UNC80: variants seen among roughly 807,000 people sequenced by gnomAD.
UNC80 encodes the protein protein unc-80 homolog.
A neutral mutation model predicts 384.6 loss-of-function variants in UNC80; 164 were observed. That is an observed-to-expected ratio of 0.43 (90% CI 0.38 to 0.49). The LOEUF is 0.49. Ranked by LOEUF, UNC80 falls within the 20% of genes least tolerant of loss-of-function variation. UNC80 has a pLI of 0.00. For synonymous variants in UNC80, 1,486 were observed against 1,527.8 expected (o/e 0.97, Z 0.64); for missense variants, 3,330 against 4,143.0 (o/e 0.80, Z 5.39).
chr2:209,897,781 T>C (rs1262539309), intron 28 of UNC80, among the ~76,000 whole-genome samples: 1 of 152,194 alleles, frequency 6.6e-6, no homozygotes, highest in Non-Finnish European at 1.5e-5. Context: ...TCTGCAAGCA[T>C]TGTGTAAGAA....
intron 21 of UNC80, chr2:209,845,376 C>G (rs563621865): frequency 2.0e-5 from 3 of 152,338 alleles, no homozygotes; most frequent in African/African-American, 7.2e-5. Context: ...CTTGTTTACA[C>G]TCTCCTTTTA....
In UNC80 at chr2:209,780,724, T is replaced by C. The variant is rs115949131; in HGVS notation, c.600+3165T>C. On this transcript the variant is annotated intron_variant, in intron 4 of 64. Coordinates refer to ENST00000673920, the MANE Select transcript of UNC80 (RefSeq NM_001371986.1). ...GTGTGTGGGAGGGAATTGGTCCTGA[T>C]TGAGAGCCACCGCCTTACATCTTTC... Among the ~76,000 whole-genome samples the C allele has an allele frequency of 6.0e-3, 910 of 152,268 alleles. 10 individuals are homozygous for C. Among genetic ancestry groups the C allele is most frequent in the African/African-American group, 0.021 (861 of 41,536 alleles).
chr2:209,932,125 C>G (rs547422564), intron 38 of UNC80, among the ~76,000 whole-genome samples: 1 of 152,270 alleles, frequency 6.6e-6, no homozygotes, highest in East Asian at 1.9e-4. Context: ...TGCTGTCACT[C>G]AAAGCCTGTC....
chr2:209,927,157 A>G (rs1187194258), intron 36 of UNC80, among the ~76,000 whole-genome samples, 171 bp downstream of exon 36: 1 of 152,008 alleles, frequency 6.6e-6, no homozygotes, highest in Non-Finnish European at 1.5e-5. Flanking sequence ...CACTCTCTCC[A>G]CCTCCTTCTC....
intron 61 of UNC80, among the ~76,000 whole-genome samples, chr2:209,991,340 C>A (rs2093387533): frequency 6.6e-6 from 1 of 152,142 alleles, no homozygotes. Flanking sequence ...ATTATAAATA[C>A]CTTTTATACA....
intron 31 of UNC80, among the ~76,000 whole-genome samples, chr2:209,917,452 G>A (rs2089644719): frequency 6.6e-6 from 1 of 152,160 alleles, no homozygotes. Context: ...AGATGACTCT[G>A]GCTATCTCCT....
chr2:209,986,640 A>T lies in UNC80; in HGVS notation c.9314+1728A>T, dbSNP rs988873964. On this transcript the variant is annotated intron_variant, in intron 61 of 64. Transcript: ENST00000673920. ...CTGCCGTTGATCCGTTGTTTCTGTG[A>T]CCATTGTGTTTTAGTTCTGGGTGTG... 3.4e-4 allele frequency among the ~76,000 whole-genome samples: 52 copies of T among 152,096 alleles called. 1 individual carries two copies. The highest frequency in any genetic ancestry group is 1.1e-3 in the African/African-American group (44 of 41,408).
Position 209,933,997 on chromosome 2 carries a change from C to T in UNC80, c.6170C>T (p.Ser2057Leu). The T allele has an allele frequency of 6.5e-7, 1 of 1,542,882 alleles. No homozygotes were observed. Among genetic ancestry groups the T allele is most frequent in the Non-Finnish European group, 8.8e-7 (1 of 1,142,710 alleles). Residue 2057 changes from serine to leucine, a missense_variant, in exon 39 of 65, where the codon TCA (serine) becomes TTA (leucine). Transcript: ENST00000673920. ...QCEVKLLVTA[S>L]MPGTKTLVVH... ...GAGGTGAAGCTCCTGGTGACCGCTT[C>T]AATGCCAGGTAAGCCACTACTACTT...
At chr2:209,800,458 T>C (rs2078469309) in intron 7 of UNC80, among the ~76,000 whole-genome samples, 1 of 150,608 alleles carries the variant, frequency 6.6e-6, no homozygotes, top group African/African-American at 2.5e-5. Context: ...TCTTCTTTAT[T>C]AGTCTAGCTA....
chr2:209,924,447 C>T (rs970563844), intron 35 of UNC80, among the ~76,000 whole-genome samples: 1 of 152,162 alleles, frequency 6.6e-6, no homozygotes, highest in Non-Finnish European at 1.5e-5. Flanking sequence ...CCAGCCTTTA[C>T]TGAGGACCAC....
chr2:209,871,149 A>G (rs983242513), intron 22 of UNC80, among the ~76,000 whole-genome samples: 3 of 152,216 alleles, frequency 2.0e-5, no homozygotes, highest in African/African-American at 4.8e-5. Flanking sequence ...TTAGAAAACA[A>G]TAGTACATGG....
chr2:209,996,894 G>T lies in UNC80; in HGVS notation c.*1299G>T, dbSNP rs1575269730. On this transcript the variant is annotated 3_prime_UTR_variant, in exon 65 of 65. Coordinates refer to ENST00000673920, the MANE Select transcript of UNC80 (RefSeq NM_001371986.1). ...AATTGGTACGGTGGTGTATGTGTGCGTGCGTGTGTGTGTGTATGTGTTGTA... is the reference window on the plus strand; with the variant it reads ...AATTGGTACGGTGGTGTATGTGTGCTTGCGTGTGTGTGTGTATGTGTTGTA... 1 of 152,034 alleles carries T rather than the reference G, an allele frequency of 6.6e-6. No individual in the cohort carries two copies. The highest frequency in any genetic ancestry group is 2.4e-5 in the African/African-American group (1 of 41,386). The allele number at this position is 152,034 out of a possible 1,614,324, so 9.4% of individuals were successfully genotyped here.
At chr2:209,814,730 C>T (rs545577745) in intron 8 of UNC80, among the ~76,000 whole-genome samples, 6 of 152,216 alleles carry the variant, frequency 3.9e-5, no homozygotes, top group South Asian at 2.1e-4. Flanking sequence ...CCCTCTTTCT[C>T]GTCAACACCA....
intron 22 of UNC80, among the ~76,000 whole-genome samples, chr2:209,864,939 C>A (rs2083611125): frequency 6.6e-6 from 1 of 152,232 alleles, no homozygotes; most frequent in East Asian, 1.9e-4. Flanking sequence ...AGAGTCTGCG[C>A]ATTCTGGGGT....
intron 24 of UNC80, among the ~76,000 whole-genome samples, chr2:209,878,809 C>A (rs908520302): frequency 6.6e-6 from 1 of 152,124 alleles, no homozygotes; most frequent in African/African-American, 2.4e-5. Flanking sequence ...GAATTCGTAT[C>A]TTTATATGAT....
chr2:209,785,614 GA>G (rs770878259), intron 4 of UNC80, among the ~76,000 whole-genome samples: 1 of 152,058 alleles, frequency 6.6e-6, no homozygotes, highest in Admixed American at 6.6e-5. Flanking sequence ...TAAAATGTAA[GA>G]AAAAAGATGG....
At chr2:209,924,629 A>G (rs1050329334) in intron 35 of UNC80, among the ~76,000 whole-genome samples, 1 of 152,072 alleles carries the variant, frequency 6.6e-6, no homozygotes, top group Non-Finnish European at 1.5e-5. Context: ...ACAGCCATCT[A>G]GATAACCAGG....
In UNC80 at chr2:209,943,470, G is replaced by A; in HGVS notation, c.7006G>A (p.Val2336Met). 1.3e-6 allele frequency: 2 copies of A among 1,551,876 alleles called. No homozygotes were observed. The highest frequency in any genetic ancestry group is 1.7e-6 in the Non-Finnish European group (2 of 1,146,984). ...QFYILHRKPF[V>M]LQLFASVAPL... ...CTATATTCTACACCGGAAGCCCTTT[G>A]TGCTCCAGCTGTTTGCTAGTGTGGC... is the stretch of plus-strand genomic sequence containing the variant. The change falls in exon 45 of 65, where the codon GTG becomes ATG. Residue 2336 changes from valine (V) to methionine (M), a missense_variant. This residue lies in a region of UNC80 where 1,049 missense variants were observed against 1,488.6 expected (regional missense o/e 0.70). Transcript: ENST00000673920.
intron 35 of UNC80, 23 bp from the exon 36 acceptor site, chr2:209,926,820 C>G (rs943178598): frequency 6.4e-7 from 1 of 1,551,452 alleles, no homozygotes; most frequent in Non-Finnish European, 8.7e-7. Flanking sequence ...AGAAAAGCAC[C>G]CTGATTTTGT....
Sources: allele counts gnomAD v4.1 joint callset (sites outside exome capture counted in the v4.1 genomes callset), GRCh38; gene constraint gnomAD v4.1.1; regional missense constraint gnomAD v4.1.1; transcripts MANE v1.5; gene names NCBI Gene and HGNC (gene_info 2026-07-23, HGNC 2026-07-21).